The following VPS13C variants were observed in gnomAD, a reference collection of about 807,000 sequenced individuals.
VPS13C encodes intermembrane lipid transfer protein VPS13C.
Under a neutral mutation model 456.8 loss-of-function variants are expected in VPS13C, and 358 were observed. The observed-to-expected ratio is 0.78, with a 90% CI of 0.72 to 0.86. The LOEUF is 0.86. Ranked by LOEUF, VPS13C falls within the 40% of genes least tolerant of loss-of-function variation. The probability of loss-of-function intolerance (pLI) is 0.00; values close to 1 mark genes in which losing one functional copy is unlikely to be tolerated. For missense variants in VPS13C, 4,818 were observed against 4,385.4 expected (o/e 1.10, Z -2.79); for synonymous variants, 1,578 against 1,486.7 (o/e 1.06, Z -1.41).
At chr15:62,011,704 C>G (rs2047042503) in intron 12 of VPS13C, among the ~76,000 whole-genome samples, 1 of 151,926 alleles carries the variant, frequency 6.6e-6, no homozygotes, top group Non-Finnish European at 1.5e-5. Context: ...AAAAAATTCT[C>G]TAGAGTGGCA....
At position 61,941,908 on chromosome 15, in the gene VPS13C, A is replaced by C; in HGVS notation, c.5308T>G (p.Ser1770Ala). The C allele has an allele frequency of 2.5e-6, 4 of 1,614,042 alleles. No individual in the cohort carries two copies. The highest frequency in any genetic ancestry group is 3.4e-6 in the Non-Finnish European group (4 of 1,179,936). Residue 1770 changes from serine to alanine, a missense_variant, in exon 46 of 85, where the codon TCT becomes GCT. Around this residue, in one of 3 missense-constraint regions of VPS13C, gnomAD observed 4,552 missense variants for 4,130.6 expected, o/e 1.10. Transcript: ENST00000644861. ...ATAACAGCATTAGGTGATACTGAAG[A>C]CTGAGGAATAATAATAACTGGTGCT... ...LKAPVIIIPQSSVSPNAVIAD... is the reference protein window; with the variant it reads ...LKAPVIIIPQASVSPNAVIAD...
chr15:61,938,518 A>G (rs1370865484), intron 47 of VPS13C, among the ~76,000 whole-genome samples: 1 of 152,226 alleles, frequency 6.6e-6, no homozygotes, highest in Admixed American at 6.5e-5. Context: ...GACCTGGATC[A>G]GCGACAAATT....
rs1893783407 is a variant in VPS13C at position 61,854,144 on chromosome 15, T to C, written c.*313A>G. 2 of 347,506 alleles carry C rather than the reference T, an allele frequency of 5.8e-6. No homozygotes were observed. Among genetic ancestry groups the C allele is most frequent in the South Asian group, 5.7e-5 (1 of 17,422 alleles). The allele number at this position is 347,506 out of a possible 1,614,324, so 21.5% of individuals were successfully genotyped here. A position where few individuals can be genotyped will look rare whatever the true frequency, so the allele number is the denominator to read the frequency against. ...ATTCTTCAGTAAGGCTTTAATTAAA[T>C]ATAAGCCTATTGACCTTTGCTTCAC... On this transcript the variant is annotated 3_prime_UTR_variant, in exon 85 of 85. Coordinates refer to ENST00000644861, the MANE Select transcript of VPS13C (RefSeq NM_020821.3).
At chr15:61,893,924 A>G (rs2042726618) in intron 66 of VPS13C, among the ~76,000 whole-genome samples, 1 of 152,144 alleles carries the variant, frequency 6.6e-6, no homozygotes, top group Non-Finnish European at 1.5e-5. Context: ...AATGCAAAGC[A>G]ATGAACTAAA....
chr15:61,928,261 G>A (rs540899767), intron 51 of VPS13C, among the ~76,000 whole-genome samples: 13 of 152,066 alleles, frequency 8.5e-5, no homozygotes, highest in East Asian at 1.9e-4. Flanking sequence ...GTGCATGTAC[G>A]CAGGCATAAG....
At chr15:61,881,030 G>A in intron 71 of VPS13C, 76 bp from the exon 72 acceptor site, 4 of 1,203,448 alleles carry the variant, frequency 3.3e-6, no homozygotes, top group Non-Finnish European at 3.5e-6. Context: ...TTTGATTTCA[G>A]TGAAAAGCCA....
chr15:61,882,162 T>A (rs1895903828), intron 69 of VPS13C, among the ~76,000 whole-genome samples: 1 of 151,908 alleles, frequency 6.6e-6, no homozygotes, highest in Non-Finnish European at 1.5e-5. Context: ...AATTAGGGGA[T>A]AAGAGAAAAA....
chr15:62,044,959 A>G lies in VPS13C; in HGVS notation c.101-704T>C, dbSNP rs943235596. Among the ~76,000 whole-genome samples, 9 of 152,128 alleles carry G rather than the reference A, an allele frequency of 5.9e-5. No homozygotes were observed. In the East Asian group the frequency reaches 1.7e-3, roughly 29 times the overall value. ...GTTTCAACATTAAATGCAGGCGTAA[A>G]TTACTGTAATATATTTTCTTAATCA... On this transcript the variant is annotated intron_variant, in intron 1 of 84. Coordinates refer to ENST00000644861, the MANE Select transcript of VPS13C (RefSeq NM_020821.3).
chr15:61,920,123 T>C lies in VPS13C; in HGVS notation c.7421A>G (p.Gln2474Arg). The change falls in exon 57 of 85, where the codon CAA (glutamine) becomes CGA (arginine). Residue 2474 changes from glutamine (Q) to arginine (R), a missense_variant. Gln to Arg is a conservative substitution (Grantham distance 43). Coordinates refer to ENST00000644861, the MANE Select transcript of VPS13C (RefSeq NM_020821.3). The stretch of plus-strand genomic sequence containing the variant: ...ACGGCTCAATATAGATAGGTTCCCT[T>C]GACTTGAAGGTACCATGCTGGCATA... The part of the protein sequence containing the change: ...LEYASMVPSS[Q>R]GNLSILSRQE... 6.2e-7 allele frequency: 1 copy of C among 1,613,390 alleles called. No homozygotes were observed. The highest frequency in any genetic ancestry group is 8.5e-7 in the Non-Finnish European group (1 of 1,179,502).
intron 55 of VPS13C, among the ~76,000 whole-genome samples, chr15:61,920,924 C>A (rs2043634163): frequency 6.6e-6 from 1 of 152,092 alleles, no homozygotes; most frequent in Admixed American, 6.5e-5. Context: ...CAGAGCATAG[C>A]TATTTATTCA....
At chr15:61,950,554 T>TAA in intron 40 of VPS13C, 137 bp from the exon 41 acceptor site, 9 of 642,142 alleles carry the variant, frequency 1.4e-5, no homozygotes, top group South Asian at 9.4e-5. Context: ...AGAAAGCCAT[T>TAA]CAAAAAAAAA....
chr15:61,961,303 G>A (rs1596386612), intron 35 of VPS13C, among the ~76,000 whole-genome samples: 1 of 150,606 alleles, frequency 6.6e-6, no homozygotes, highest in East Asian at 2.0e-4. Context: ...GAGGCAGGAG[G>A]ATTGCTTGAA....
intron 67 of VPS13C, among the ~76,000 whole-genome samples, chr15:61,885,403 A>T (rs922850093): frequency 2.6e-5 from 4 of 152,136 alleles, no homozygotes; most frequent in African/African-American, 9.6e-5. Flanking sequence ...GTTTAGTCAT[A>T]GTGGTTGAGG....
At chr15:61,861,311 T>C (rs1894215964) in intron 82 of VPS13C, among the ~76,000 whole-genome samples, 1 of 152,142 alleles carries the variant, frequency 6.6e-6, no homozygotes, top group Non-Finnish European at 1.5e-5. Flanking sequence ...AACTGTGCCC[T>C]TCAAGCCAAA....
chr15:61,921,690 A>T (rs908219531), intron 55 of VPS13C, among the ~76,000 whole-genome samples: 2 of 152,152 alleles, frequency 1.3e-5, no homozygotes, highest in African/African-American at 4.8e-5. Flanking sequence ...CCTTAAGGGA[A>T]GACAGATAAA....
rs1419395791 is a variant in VPS13C, at chr15:61,915,847, T to C, written c.8231A>G (p.Asp2744Gly). The C allele has an allele frequency of 4.3e-6, 7 of 1,613,514 alleles. No individual in the cohort carries two copies. Among genetic ancestry groups the C allele is most frequent in the Non-Finnish European group, 5.9e-6 (7 of 1,179,912 alleles). Residue 2744 changes from aspartate to glycine, a missense_variant, in exon 61 of 85, where the codon GAC (aspartate) becomes GGC (glycine). By Grantham distance (94) the Asp-to-Gly change is moderately conservative. This residue lies in a region of VPS13C where 4,552 missense variants were observed against 4,130.6 expected (regional missense o/e 1.10). Coordinates refer to ENST00000644861, the MANE Select transcript of VPS13C (RefSeq NM_020821.3). The part of the protein sequence containing the change: ...PEFFPVCFSS[D>G]STEVTTVDLS... ...GTCGACTGTCGTCACTTCTGTGGAG[T>C]CAGAAGAAAAACACACAGGAAAGAA...
chr15:61,878,584 A>G (rs768792708), intron 74 of VPS13C, 23 bp downstream of exon 74: 14 of 1,602,914 alleles, frequency 8.7e-6, no homozygotes, highest in South Asian at 2.2e-5. Flanking sequence ...CTGCTTCTCA[A>G]TGTACTCTAA....
At chr15:61,894,046 C>T (rs1047749001) in intron 66 of VPS13C, among the ~76,000 whole-genome samples, 1 of 152,136 alleles carries the variant, frequency 6.6e-6, no homozygotes, top group East Asian at 1.9e-4. Context: ...TGGCTCATGC[C>T]TGTAATCCTA....
chr15:62,020,514 A>G lies in VPS13C; in HGVS notation c.649T>C (p.Ser217Pro). ...AGCTCTCCCAGTGTGACACCAAATG[A>G]AAGAGGCCGCTTTGGATCAGTGACC... ...DDVTDPKRPLSFGVTLGELSL... is the reference protein window; with the variant it reads ...DDVTDPKRPLPFGVTLGELSL... The change falls in exon 9 of 85, where the codon TCA becomes CCA. Residue 217 changes from serine (S) to proline (P), a missense_variant. By Grantham distance (74) the Ser-to-Pro change is moderately conservative. This residue lies in a region of VPS13C where 4,552 missense variants were observed against 4,130.6 expected (regional missense o/e 1.10). Coordinates refer to ENST00000644861, the MANE Select transcript of VPS13C (RefSeq NM_020821.3). 6.2e-7 allele frequency: 1 copy of G among 1,611,782 alleles called. No individual in the cohort carries two copies. The highest frequency in any genetic ancestry group is 8.5e-7 in the Non-Finnish European group (1 of 1,178,550).
Sources: gnomAD v4.1 joint callset for allele counts (sites outside exome capture counted in the v4.1 genomes callset) on GRCh38, gnomAD v4.1.1 for gene constraint, gnomAD v4.1.1 regional missense constraint, MANE v1.5 for transcripts, NCBI Gene and HGNC (gene_info 2026-07-23, HGNC 2026-07-21) for gene names.